Variants in DNAH6 observed in about 807,000 individuals in gnomAD.
DNAH6 encodes dynein axonemal heavy chain 6, also known as axonemal beta dynein heavy chain 6.
A neutral mutation model predicts 491.4 loss-of-function variants in DNAH6; 340 were observed. That is an observed-to-expected ratio of 0.69 (90% CI 0.63 to 0.76). DNAH6 has a LOEUF of 0.76. Among genes scored for constraint, DNAH6 ranks in the 30% least tolerant of loss-of-function variants. DNAH6 has a pLI of 0.00. For missense variants in DNAH6, 4,443 were observed against 4,972.2 expected, an observed-to-expected ratio of 0.89 and a Z score of 3.20; for synonymous variants, 1,603 against 1,686.1, an observed-to-expected ratio of 0.95 and a Z score of 1.21.
chr2:84,467,050 G>A, the DNAH6 span, among the ~76,000 whole-genome samples: 1 of 152,156 alleles, frequency 6.6e-6, no homozygotes, highest in Non-Finnish European at 1.5e-5. Flanking sequence ...TCATAAGCAG[G>A]TTTTTGCTCT....
At chr2:84,611,914 T>C (rs993771627) in intron 22 of DNAH6, 60 bp downstream of exon 22, 5 of 1,375,204 alleles carry the variant, frequency 3.6e-6, no homozygotes, top group Middle Eastern at 1.8e-4. Context: ...TCTGGGACTT[T>C]AGTCCCAGAC....
chr2:84,545,523 A>G (rs1157981096), intron 5 of DNAH6, among the ~76,000 whole-genome samples: 1 of 152,174 alleles, frequency 6.6e-6, no homozygotes, highest in Non-Finnish European at 1.5e-5. Flanking sequence ...CTTTGAAATT[A>G]CTTCTATCAG....
chr2:84,752,083 C>T (rs903484980), intron 63 of DNAH6, among the ~76,000 whole-genome samples: 4 of 152,222 alleles, frequency 2.6e-5, no homozygotes, highest in Admixed American at 1.3e-4. Context: ...GTTTCCTCCA[C>T]CTCACAAAGA....
chr2:84,744,066 A>G (rs755008133), intron 62 of DNAH6, among the ~76,000 whole-genome samples: 2 of 152,170 alleles, frequency 1.3e-5, no homozygotes, highest in African/African-American at 2.4e-5. Flanking sequence ...GTAATTGTCT[A>G]TATTCCATAT....
rs1284761316 is a variant in DNAH6 at position 84,553,355 on chromosome 2, TTTTCTTTTCTTTTCTTTC to T, written c.1602+329_1602+346del. 1.4e-3 allele frequency among the ~76,000 whole-genome samples: 47 copies of T among 33,822 alleles called. 1 individual carries two copies. Among genetic ancestry groups the T allele is most frequent in the Admixed American group, 6.6e-3 (21 of 3,178 alleles). 22.2% of individuals were successfully genotyped at this position (33,822 alleles called of 152,430 possible). A position where few individuals can be genotyped will look rare whatever the true frequency, so the allele number is the denominator to read the frequency against. ...TGTGAATACCTTTTCCTTTCTTTTC[TTTTCTTTTCTTTTCTTTC>T]TTTCTTTCTTTCTTTCTTTCTTTCT... On this transcript the variant is annotated intron_variant, in intron 10 of 76. Transcript: ENST00000389394.
In DNAH6 at chr2:84,694,281, A is replaced by G. The variant is rs551324825; in HGVS notation, c.7325A>G (p.Asn2442Ser). 1.5e-5 allele frequency: 23 copies of G among 1,552,120 alleles called. No individual in the cohort carries two copies. The highest frequency in any genetic ancestry group is 1.2e-4 in the African/African-American group (9 of 73,196). The change falls in exon 46 of 77, where the codon AAT (asparagine) becomes AGT (serine). Residue 2442 changes from asparagine to serine, a missense_variant. Physicochemically the swap from Asn to Ser is conservative, Grantham distance 46. Transcript: ENST00000389394. ...IARMIRQERG[N>S]ALLVGVGGTG... ...CGGATGATACGTCAAGAAAGAGGCA[A>G]TGCCCTGCTTGTTGGAGTAGGAGGC... is the stretch of plus-strand genomic sequence containing the variant.
chr2:84,541,143 C>T (rs1678203650), intron 4 of DNAH6, among the ~76,000 whole-genome samples: 2 of 152,078 alleles, frequency 1.3e-5, no homozygotes, highest in African/African-American at 4.8e-5. Flanking sequence ...CTAAGAAATG[C>T]CGAGGGAGCA....
At chr2:84,659,540 T>A (rs2104594696) in intron 37 of DNAH6, among the ~76,000 whole-genome samples, 1 of 152,344 alleles carries the variant, frequency 6.6e-6, no homozygotes, top group South Asian at 2.1e-4. Flanking sequence ...GTAAATATGT[T>A]GAGAATAATG....
At chr2:84,625,830 T>C (rs964422202) in intron 29 of DNAH6, among the ~76,000 whole-genome samples, 1 of 152,202 alleles carries the variant, frequency 6.6e-6, no homozygotes, top group Non-Finnish European at 1.5e-5. Flanking sequence ...TGTTGGGATA[T>C]GTTTTTTTGG....
At chr2:84,475,438 G>C in the DNAH6 span, among the ~76,000 whole-genome samples, 1 of 152,184 alleles carries the variant, frequency 6.6e-6, no homozygotes, top group Non-Finnish European at 1.5e-5. Flanking sequence ...TTCACAATGG[G>C]GACATACACT....
intron 62 of DNAH6, among the ~76,000 whole-genome samples, chr2:84,736,564 T>C (rs892055029): frequency 1.3e-5 from 2 of 152,098 alleles, no homozygotes; most frequent in Non-Finnish European, 2.9e-5. Context: ...ACTTCCTTGG[T>C]TAGATGTGTT....
chr2:84,627,262 T>C (rs1687970458), intron 29 of DNAH6, among the ~76,000 whole-genome samples: 1 of 152,142 alleles, frequency 6.6e-6, no homozygotes, highest in Admixed American at 6.5e-5. Flanking sequence ...TGTTCTAGAG[T>C]AGATTCAGCT....
At chr2:84,664,107 A>G (rs978040733) in intron 37 of DNAH6, among the ~76,000 whole-genome samples, 6 of 152,216 alleles carry the variant, frequency 3.9e-5, no homozygotes, top group African/African-American at 1.4e-4. Context: ...AGCACTAAAC[A>G]TGGAAAGGAA....
At chr2:84,632,691 A>G (rs1688516983) in intron 29 of DNAH6, among the ~76,000 whole-genome samples, 2 of 152,082 alleles carry the variant, frequency 1.3e-5, no homozygotes, top group Non-Finnish European at 2.9e-5. Context: ...CCATGCTATC[A>G]TTCCATGCAT....
chr2:84,592,734 A>G (rs986530370), intron 16 of DNAH6, among the ~76,000 whole-genome samples: 1 of 152,204 alleles, frequency 6.6e-6, no homozygotes, highest in African/African-American at 2.4e-5. Context: ...TCTACATAAA[A>G]TAGAATTTTA....
chr2:84,586,411 T>C (rs1206167134), intron 15 of DNAH6, among the ~76,000 whole-genome samples: 2 of 152,240 alleles, frequency 1.3e-5, no homozygotes, highest in African/African-American at 4.8e-5. Flanking sequence ...AAATTTCCTA[T>C]TTTTGAACTT....
intron 14 of DNAH6, among the ~76,000 whole-genome samples, chr2:84,580,273 A>G (rs1484229456): frequency 1.3e-5 from 2 of 151,656 alleles, no homozygotes; most frequent in Non-Finnish European, 2.9e-5. Context: ...ATGCAGATGG[A>G]ATCAGGTCTC....
chr2:84,725,587 G>C (rs927315151), intron 60 of DNAH6, among the ~76,000 whole-genome samples: 2 of 152,118 alleles, frequency 1.3e-5, no homozygotes, highest in Non-Finnish European at 2.9e-5. Flanking sequence ...TGGAATTTAT[G>C]CTCTTCAAGT....
intron 64 of DNAH6, among the ~76,000 whole-genome samples, chr2:84,768,737 G>T (rs1292803667): frequency 1.3e-5 from 2 of 152,128 alleles, no homozygotes; most frequent in East Asian, 3.8e-4. Context: ...ACTCAATATT[G>T]TAAAGATATC....
Sources: allele counts gnomAD v4.1 joint callset (sites outside exome capture counted in the v4.1 genomes callset), GRCh38; gene constraint gnomAD v4.1.1; transcripts MANE v1.5; gene names NCBI Gene and HGNC (gene_info 2026-07-23, HGNC 2026-07-21).